Variants in SNTG1 observed in about 807,000 individuals in gnomAD.
The protein encoded by SNTG1 is syntrophin gamma 1, also known as gamma-1-syntrophin.
Under a neutral mutation model 74.7 loss-of-function variants are expected in SNTG1, and 39 were observed. That is an observed-to-expected ratio of 0.52 (90% CI 0.40 to 0.68). The LOEUF (loss-of-function observed/expected upper bound fraction) is 0.68. SNTG1 is among the 30% of genes least tolerant of loss of function. The pLI is 0.00. For missense variants in SNTG1, 685 were observed against 609.5 expected (o/e 1.12, Z -1.30); for synonymous variants, 254 against 217.1 (o/e 1.17, Z -1.49).
At chr8:50,764,843 C>T (rs374948267) in intron 18 of SNTG1, among the ~76,000 whole-genome samples, 4 of 152,084 alleles carry the variant, frequency 2.6e-5, no homozygotes, top group East Asian at 2.0e-4. Flanking sequence ...TTAATTGCTA[C>T]TCCACTCACA....
chr8:50,781,880 A>G (rs1016880211), intron 18 of SNTG1, among the ~76,000 whole-genome samples: 2 of 150,740 alleles, frequency 1.3e-5, no homozygotes, highest in South Asian at 4.2e-4. Flanking sequence ...TCCTTCAGGA[A>G]CTCTTTTAGG....
intron 1 of SNTG1, among the ~76,000 whole-genome samples, chr8:50,068,630 G>C (rs986652171): frequency 6.6e-6 from 1 of 152,094 alleles, no homozygotes; most frequent in African/African-American, 2.4e-5. Context: ...GATTTATCTC[G>C]CTTATTTTCT....
At chr8:49,930,652 C>T (rs1242999034) in intron 1 of SNTG1, among the ~76,000 whole-genome samples, 1 of 151,788 alleles carries the variant, frequency 6.6e-6, no homozygotes, top group Non-Finnish European at 1.5e-5. Flanking sequence ...GTAAGAACAC[C>T]AGTAAAACCA....
chr8:50,031,251 G>A (rs1395484094), intron 1 of SNTG1, among the ~76,000 whole-genome samples: 1 of 151,702 alleles, frequency 6.6e-6, no homozygotes, highest in African/African-American at 2.4e-5. Context: ...ACAATTCTCA[G>A]GGTTATTTCT....
At chr8:50,689,586 C>G (rs112037160) in intron 15 of SNTG1, among the ~76,000 whole-genome samples, 1 of 147,710 alleles carries the variant, frequency 6.8e-6, no homozygotes, top group Non-Finnish European at 1.5e-5. Flanking sequence ...CCTTGCATCC[C>G]GGGGATGAAG....
intron 3 of SNTG1, among the ~76,000 whole-genome samples, chr8:50,398,292 C>T (rs1290207275): frequency 6.6e-6 from 1 of 152,236 alleles, no homozygotes; most frequent in African/African-American, 2.4e-5. Flanking sequence ...CCACCATCTG[C>T]CCATCATACA....
At chr8:50,330,256 C>T (rs1418576944) in intron 2 of SNTG1, among the ~76,000 whole-genome samples, 1 of 152,102 alleles carries the variant, frequency 6.6e-6, no homozygotes, top group Admixed American at 6.6e-5. Flanking sequence ...CTTCCTGCTG[C>T]CACATGAGAA....
chr8:50,672,016 G>T (rs2131348793), intron 15 of SNTG1, among the ~76,000 whole-genome samples: 1 of 139,068 alleles, frequency 7.2e-6, no homozygotes, highest in East Asian at 2.3e-4. Context: ...GACACAGGAA[G>T]GGGAACATCA....
chr8:50,236,312 A>C (rs770265445), intron 2 of SNTG1, among the ~76,000 whole-genome samples: 3 of 152,138 alleles, frequency 2.0e-5, no homozygotes, highest in African/African-American at 7.2e-5. Context: ...CATAATATTT[A>C]TTTCTAATTA....
chr8:50,747,340 T>C (rs1002979910), intron 17 of SNTG1, among the ~76,000 whole-genome samples: 1 of 151,996 alleles, frequency 6.6e-6, no homozygotes, highest in Non-Finnish European at 1.5e-5. Context: ...GTTCAGACCA[T>C]GGACTTAAAC....
chr8:50,203,772 G>T (rs1484563276), intron 2 of SNTG1, among the ~76,000 whole-genome samples: 1 of 151,520 alleles, frequency 6.6e-6, no homozygotes, highest in African/African-American at 2.4e-5. Context: ...TTCTGTGTGT[G>T]TGTGTTTCTG....
chr8:50,244,014 T>C (rs1474973426), intron 2 of SNTG1, among the ~76,000 whole-genome samples: 1 of 152,088 alleles, frequency 6.6e-6, no homozygotes, highest in Non-Finnish European at 1.5e-5. Flanking sequence ...GAAAAGAGGT[T>C]TAATTGGCTC....
intron 11 of SNTG1, among the ~76,000 whole-genome samples, chr8:50,541,791 T>TCAATCAACTTCTCTTC (rs1483361699): frequency 6.6e-6 from 1 of 151,946 alleles, no homozygotes; most frequent in Non-Finnish European, 1.5e-5. Flanking sequence ...TTTGTGTTCA[T>TCAATCAACTTCTCTTC]CAATCAACTT....
At chr8:49,954,466 T>C (rs1438669924) in intron 1 of SNTG1, among the ~76,000 whole-genome samples, 2 of 152,194 alleles carry the variant, frequency 1.3e-5, no homozygotes, top group Non-Finnish European at 2.9e-5. Flanking sequence ...GATTTGTTTA[T>C]AAGTCTTATT....
intron 1 of SNTG1, among the ~76,000 whole-genome samples, chr8:49,980,012 A>G (rs1254887560): frequency 3.3e-5 from 5 of 152,210 alleles, no homozygotes; most frequent in South Asian, 2.1e-4. Flanking sequence ...TTGTCAGGGT[A>G]AAAGGAGGCA....
intron 1 of SNTG1, among the ~76,000 whole-genome samples, chr8:50,029,390 A>T (rs1238600972): frequency 6.6e-6 from 1 of 152,048 alleles, no homozygotes; most frequent in Non-Finnish European, 1.5e-5. Context: ...TATGCAACTA[A>T]TTATTATCAA....
intron 2 of SNTG1, among the ~76,000 whole-genome samples, chr8:50,377,120 G>A (rs971290540): frequency 1.8e-4 from 27 of 152,098 alleles, no homozygotes; most frequent in African/African-American, 5.3e-4. Flanking sequence ...CGGGAGGTGT[G>A]TATTTGAGGA....
At chr8:50,085,004 CAT>C (rs1822750723) in intron 1 of SNTG1, among the ~76,000 whole-genome samples, 1 of 152,070 alleles carries the variant, frequency 6.6e-6, no homozygotes, top group Non-Finnish European at 1.5e-5. Flanking sequence ...ACAAAAACAA[CAT>C]GTTTGTAACT....
intron 8 of SNTG1, among the ~76,000 whole-genome samples, chr8:50,463,520 C>G (rs1047681131): frequency 2.0e-5 from 3 of 152,114 alleles, no homozygotes; most frequent in African/African-American, 7.2e-5. Context: ...CTTGGGCGAG[C>G]AGGTGAATTG....
Sources: gnomAD v4.1 joint callset for allele counts (sites outside exome capture counted in the v4.1 genomes callset) on GRCh38, gnomAD v4.1.1 for gene constraint, MANE v1.5 for transcripts, NCBI Gene and HGNC (gene_info 2026-07-23, HGNC 2026-07-21) for gene names.